ERBB4: variants seen among roughly 807,000 people sequenced by gnomAD.
ERBB4 encodes the protein erb-b2 receptor tyrosine kinase 4.
ERBB4 carries 42 observed loss-of-function variants against 158.0 expected under a neutral mutation model. The ratio of observed to expected loss-of-function variants is 0.27; its 90% CI spans 0.21 to 0.34. The LOEUF is 0.34. Ranked by LOEUF, ERBB4 falls within the 10% of genes least tolerant of loss-of-function variation. The pLI is 1.00. For missense variants in ERBB4, 1,333 were observed against 1,624.1 expected (o/e 0.82, Z 3.08); for synonymous variants, 583 against 558.7 (o/e 1.04, Z -0.61).
chr2:212,498,393 T>C (rs1167870384), intron 1 of ERBB4, among the ~76,000 whole-genome samples: 1 of 152,156 alleles, frequency 6.6e-6, no homozygotes, highest in Non-Finnish European at 1.5e-5. Context: ...AATCCTAAAA[T>C]CTATTAGAAT....
chr2:211,932,140 T>C (rs1015949075), intron 3 of ERBB4, among the ~76,000 whole-genome samples: 4 of 152,044 alleles, frequency 2.6e-5, no homozygotes, highest in African/African-American at 9.7e-5. Flanking sequence ...TCTAGAAATA[T>C]GCCTTCTCAT....
chr2:212,204,378 C>T (rs985293261), intron 1 of ERBB4, among the ~76,000 whole-genome samples: 10 of 152,074 alleles, frequency 6.6e-5, no homozygotes, highest in Admixed American at 2.6e-4. Flanking sequence ...GGATAAAGAA[C>T]TGTGAACTTC....
At chr2:211,454,576 G>T (rs1370869559) in intron 20 of ERBB4, among the ~76,000 whole-genome samples, 7 of 152,030 alleles carry the variant, frequency 4.6e-5, no homozygotes, top group Non-Finnish European at 8.8e-5. Flanking sequence ...GTAATTTAGG[G>T]GTTTTTAAGG....
At chr2:211,883,163 T>C (rs2078707115) in intron 3 of ERBB4, among the ~76,000 whole-genome samples, 1 of 152,160 alleles carries the variant, frequency 6.6e-6, no homozygotes. Flanking sequence ...TGGATGAAGC[T>C]GGAAACCATC....
chr2:211,395,789 C>A (rs537393378), intron 25 of ERBB4, among the ~76,000 whole-genome samples: 1 of 152,026 alleles, frequency 6.6e-6, no homozygotes, highest in South Asian at 2.1e-4. Context: ...GATATGTTAT[C>A]TAAACACTCT....
At chr2:212,393,775 T>C (rs534329851) in intron 1 of ERBB4, among the ~76,000 whole-genome samples, 42 of 152,244 alleles carry the variant, frequency 2.8e-4, no homozygotes, top group African/African-American at 8.2e-4. Flanking sequence ...GTTGGTCATA[T>C]ATTAAAAATA....
At chr2:212,245,940 T>C (rs1201279991) in intron 1 of ERBB4, among the ~76,000 whole-genome samples, 1 of 152,076 alleles carries the variant, frequency 6.6e-6, no homozygotes, top group Non-Finnish European at 1.5e-5. Context: ...CTAAGTTAAA[T>C]GTTGTGGGGG....
chr2:212,331,087 T>TATATACAC (rs2088142461), intron 1 of ERBB4, among the ~76,000 whole-genome samples: 1 of 112,090 alleles, frequency 8.9e-6, no homozygotes, highest in Non-Finnish European at 2.0e-5. Flanking sequence ...TATATATATA[T>TATATACAC]GCCCATAACA....
At chr2:212,269,346 G>C (rs2085261510) in intron 1 of ERBB4, among the ~76,000 whole-genome samples, 1 of 151,754 alleles carries the variant, frequency 6.6e-6, no homozygotes, top group Non-Finnish European at 1.5e-5. Context: ...TTTGTGTTGA[G>C]TATGCCCAAT....
At chr2:212,012,987 C>A (rs1210310301) in intron 2 of ERBB4, among the ~76,000 whole-genome samples, 1 of 151,942 alleles carries the variant, frequency 6.6e-6, no homozygotes, top group Non-Finnish European at 1.5e-5. Flanking sequence ...TCAAGCCATC[C>A]CCCTGCCCCA....
intron 4 of ERBB4, among the ~76,000 whole-genome samples, chr2:211,781,610 A>G (rs2076039688): frequency 6.6e-6 from 1 of 152,214 alleles, no homozygotes. Flanking sequence ...ATGAATATAT[A>G]ATGAAAATGT....
chr2:211,433,254 A>G (rs966483586), intron 20 of ERBB4, among the ~76,000 whole-genome samples: 40 of 152,314 alleles, frequency 2.6e-4, no homozygotes, highest in African/African-American at 8.9e-4. Flanking sequence ...CATTTCATGC[A>G]GTATACAATT....
chr2:212,443,031 C>T (rs1027367738), intron 1 of ERBB4, among the ~76,000 whole-genome samples: 2 of 152,204 alleles, frequency 1.3e-5, no homozygotes, highest in Admixed American at 1.3e-4. Context: ...GGTTTCATTG[C>T]TTGAGCAAAT....
intron 12 of ERBB4, among the ~76,000 whole-genome samples, chr2:211,692,795 A>G (rs971487538): frequency 2.0e-5 from 3 of 152,134 alleles, no homozygotes; most frequent in Non-Finnish European, 2.9e-5. Context: ...TTACCATATA[A>G]CATTCATAGG....
At chr2:212,140,541 G>C (rs1233320238) in intron 1 of ERBB4, among the ~76,000 whole-genome samples, 1 of 148,332 alleles carries the variant, frequency 6.7e-6, no homozygotes, top group East Asian at 2.0e-4. Context: ...TTTAATTTTA[G>C]GAAAGGGTAA....
intron 1 of ERBB4, among the ~76,000 whole-genome samples, chr2:212,416,039 C>A (rs572534366): frequency 6.6e-6 from 1 of 152,216 alleles, no homozygotes; most frequent in Non-Finnish European, 1.5e-5. Flanking sequence ...AACACAGGGG[C>A]CTGTGTAATT....
intron 25 of ERBB4, among the ~76,000 whole-genome samples, chr2:211,405,809 A>G (rs2063134437): frequency 6.6e-6 from 1 of 152,180 alleles, no homozygotes; most frequent in African/African-American, 2.4e-5. Context: ...CTAGACACAC[A>G]TTCCTATCTA....
At chr2:212,062,271 C>G (rs998065874) in intron 2 of ERBB4, among the ~76,000 whole-genome samples, 2 of 152,058 alleles carry the variant, frequency 1.3e-5, no homozygotes, top group African/African-American at 4.8e-5. Context: ...TTCTACAGAT[C>G]TCCATTCACG....
At chr2:211,409,898 C>A (rs1272772286) in intron 25 of ERBB4, among the ~76,000 whole-genome samples, 1 of 152,094 alleles carries the variant, frequency 6.6e-6, no homozygotes, top group Non-Finnish European at 1.5e-5. Flanking sequence ...CTTTAAGGTC[C>A]CTTGCAACTC....
Sources: gnomAD v4.1 joint callset for allele counts (sites outside exome capture counted in the v4.1 genomes callset) on GRCh38, gnomAD v4.1.1 for gene constraint, MANE v1.5 for transcripts, NCBI Gene and HGNC (gene_info 2026-07-23, HGNC 2026-07-21) for gene names.